PLPP3: variants seen among roughly 807,000 people sequenced by gnomAD.
PLPP3 encodes PAP2 beta.
In PLPP3, 6 loss-of-function variants were observed where a neutral mutation model predicts 29.6. The observed-to-expected ratio is 0.20, with a 90% CI of 0.11 to 0.40. The LOEUF (loss-of-function observed/expected upper bound fraction) is 0.40, where lower values mean the gene tolerates loss of function less well. Ranked by LOEUF, PLPP3 falls within the 10% of genes least tolerant of loss-of-function variation. The pLI is 1.00. For missense variants in PLPP3, 308 were observed against 407.7 expected, an observed-to-expected ratio of 0.76 and a Z score of 2.11; for synonymous variants, 152 against 159.7, an observed-to-expected ratio of 0.95 and a Z score of 0.36.
chr1:56,510,014 G>A (rs776227606), intron 5 of PLPP3, among the ~76,000 whole-genome samples: 1 of 152,078 alleles, frequency 6.6e-6, no homozygotes, highest in Non-Finnish European at 1.5e-5. Flanking sequence ...TAGTCCTCCC[G>A]AACGCTCTGT....
chr1:56,522,851 A>G (rs1645828631), intron 4 of PLPP3, among the ~76,000 whole-genome samples: 1 of 152,226 alleles, frequency 6.6e-6, no homozygotes, highest in Non-Finnish European at 1.5e-5. Context: ...GAAAGCAGGA[A>G]GTGCCTTGGC....
At chr1:56,553,313 G>A (rs867988070) in intron 1 of PLPP3, among the ~76,000 whole-genome samples, 24 of 152,124 alleles carry the variant, frequency 1.6e-4, no homozygotes, top group Middle Eastern at 6.3e-3. Flanking sequence ...GGAGTGGCAC[G>A]GCAAGGCTGT....
Position 56,518,715 on chromosome 1 carries a change from T to TTATATATATATATATATATATATA in PLPP3, c.633+5107_633+5108insTATATATATATATATATATATATA, listed in dbSNP as rs145573744. On this transcript the variant is annotated intron_variant, in intron 4 of 5. Transcript: ENST00000371250. ...GGAATTTACAGCCTTTTTTAATCAT[T>TTATATATATATATATATATATATA]TATATATATATATATATATAGACAG... Among the ~76,000 whole-genome samples, 74 of 126,666 alleles carry TTATATATATATATATATATATATA rather than the reference T, an allele frequency of 5.8e-4. 1 individual carries two copies. Among genetic ancestry groups the TTATATATATATATATATATATATA allele is most frequent in the African/African-American group, 1.3e-3 (45 of 35,796 alleles). 83.1% of individuals were successfully genotyped at this position (126,666 alleles called of 152,430 possible).
chr1:56,518,416 C>T (rs964572717), intron 4 of PLPP3, among the ~76,000 whole-genome samples: 1 of 144,294 alleles, frequency 6.9e-6, no homozygotes, highest in Non-Finnish European at 1.6e-5. Flanking sequence ...TGGGACAGCA[C>T]AGTAAAGGGT....
In PLPP3 at chr1:56,524,260, C is replaced by A. The variant is rs367986937; in HGVS notation, c.575+17G>T. 7 of 1,612,018 alleles carry A rather than the reference C, an allele frequency of 4.3e-6. No individual in the cohort carries two copies. Among genetic ancestry groups the A allele is most frequent in the Admixed American group, 1.7e-5 (1 of 59,976 alleles). On this transcript the variant is annotated intron_variant, in intron 3 of 5. Coordinates refer to ENST00000371250, the MANE Select transcript of PLPP3 (RefSeq NM_003713.5). The surrounding 1 kb of genome is among the most constrained non-coding windows in gnomAD (Gnocchi z 4.3). ...GAAAGGGGTCCAGGCTCTGGCCATG[C>A]GGAGGTGGTGTCTCACCTGGCTTCC...
Position 56,496,499 on chromosome 1 carries a change from A to T in PLPP3, c.*52T>A. 1 of 1,597,936 alleles carries T rather than the reference A, an allele frequency of 6.3e-7. No individual in the cohort carries two copies. The highest frequency in any genetic ancestry group is 2.2e-5 in the East Asian group (1 of 44,618). On this transcript the variant is annotated 3_prime_UTR_variant, in exon 6 of 6. Coordinates refer to ENST00000371250, the MANE Select transcript of PLPP3 (RefSeq NM_003713.5). ...TCTGATGAGATTGGAGAGCAGCAAG[A>T]ACTTGCTGTCAGCAGTCATTTTACA...
Position 56,500,579 on chromosome 1 carries a change from C to G in PLPP3, c.811-3903G>C, listed in dbSNP as rs147504994. 6.2e-3 allele frequency among the ~76,000 whole-genome samples: 951 copies of G among 152,280 alleles called. 9 individuals carry two copies. Among genetic ancestry groups the G allele is most frequent in the African/African-American group, 0.022 (911 of 41,550 alleles). On this transcript the variant is annotated intron_variant, in intron 5 of 5. Coordinates refer to ENST00000371250, the MANE Select transcript of PLPP3 (RefSeq NM_003713.5). Reference sequence around the variant, plus strand: ...ATCTAAGGCGGAGCAGTCAAAGAGGCTGGAGAGGAGAGGACTAGATATTGA... The same window carrying G: ...ATCTAAGGCGGAGCAGTCAAAGAGGGTGGAGAGGAGAGGACTAGATATTGA...
At chr1:56,538,656 C>T in intron 1 of PLPP3, 1 of 303,564 alleles carries the variant, frequency 3.3e-6, no homozygotes, top group South Asian at 4.0e-5. Flanking sequence ...GCAGTGTTCC[C>T]CAGCATGCCG....
intron 2 of PLPP3, among the ~76,000 whole-genome samples, chr1:56,532,072 C>T (rs1412276000): frequency 6.6e-6 from 1 of 152,184 alleles, no homozygotes; most frequent in Admixed American, 6.5e-5. Context: ...GGAAGAATTG[C>T]TGCTGTTCTC....
intron 2 of PLPP3, among the ~76,000 whole-genome samples, chr1:56,536,129 C>A (rs757369327): frequency 7.9e-5 from 12 of 152,156 alleles, no homozygotes; most frequent in Non-Finnish European, 1.8e-4. Flanking sequence ...TTGGGTATAG[C>A]GGGCTCCTTT....
chr1:56,511,333 T>C (rs996558589), intron 5 of PLPP3, among the ~76,000 whole-genome samples: 1 of 152,154 alleles, frequency 6.6e-6, no homozygotes, highest in Non-Finnish European at 1.5e-5. Context: ...CAAATCAGTA[T>C]GTGGTCCATC....
At chr1:56,566,280 A>T (rs1360292559) in intron 1 of PLPP3, among the ~76,000 whole-genome samples, 1 of 152,216 alleles carries the variant, frequency 6.6e-6, no homozygotes, top group African/African-American at 2.4e-5. Flanking sequence ...ATTCAGAAAC[A>T]CGTGGAGAAT....
intron 1 of PLPP3, among the ~76,000 whole-genome samples, chr1:56,559,846 T>C (rs1215664632): frequency 1.3e-5 from 2 of 152,200 alleles, no homozygotes; most frequent in Non-Finnish European, 2.9e-5. Context: ...GAAGAACTTT[T>C]GATGCTTGTC....
At chr1:56,538,964 A>AAAAAAAAAAAAAAC (rs1201599250) in intron 1 of PLPP3, 1 of 150,974 alleles carries the variant, frequency 6.6e-6, no homozygotes, top group Non-Finnish European at 1.5e-5. Context: ...GGCTGCAAAA[A>AAAAAAAAAAAAAAC]AAAAAAACAC....
intron 1 of PLPP3, among the ~76,000 whole-genome samples, chr1:56,560,018 C>A (rs886710221): frequency 6.6e-6 from 1 of 152,148 alleles, no homozygotes; most frequent in Non-Finnish European, 1.5e-5. Context: ...TCCAAACAAC[C>A]GTGATGTTAC....
intron 4 of PLPP3, among the ~76,000 whole-genome samples, chr1:56,516,407 G>A (rs530667081): frequency 6.6e-6 from 1 of 152,284 alleles, no homozygotes; most frequent in Non-Finnish European, 1.5e-5. Context: ...AAACCCTGCT[G>A]ATAGATGATG....
chr1:56,534,927 T>C (rs942858964), intron 2 of PLPP3, among the ~76,000 whole-genome samples: 1 of 152,150 alleles, frequency 6.6e-6, no homozygotes, highest in Non-Finnish European at 1.5e-5. Context: ...GGGTTCTAAT[T>C]AAATAACTAT....
chr1:56,563,141 C>A (rs12070557), intron 1 of PLPP3, among the ~76,000 whole-genome samples: 8,827 of 152,194 alleles, frequency 0.058, 683 homozygotes, highest in African/African-American at 0.17. Flanking sequence ...ACAAAATGGA[C>A]CTACTCTAAG....
chr1:56,513,243 C>T (rs1265831190), intron 4 of PLPP3: 1 of 152,526 alleles, frequency 6.6e-6, no homozygotes, highest in Non-Finnish European at 1.5e-5. Flanking sequence ...GAAATGACGT[C>T]AACTGGGCAT....
Sources: gnomAD v4.1 joint callset for allele counts (sites outside exome capture counted in the v4.1 genomes callset) on GRCh38, gnomAD v4.1.1 for gene constraint, Gnocchi (gnomAD v3.1) non-coding constraint, MANE v1.5 for transcripts, NCBI Gene and HGNC (gene_info 2026-07-23, HGNC 2026-07-21) for gene names.